ZAN: variants seen among roughly 807,000 people sequenced by gnomAD.
The protein encoded by ZAN is zonadhesin (gene/pseudogene).
A neutral mutation model predicts 286.2 loss-of-function variants in ZAN; 260 were observed. That is an observed-to-expected ratio of 0.91 (90% CI 0.82 to 1.01). The LOEUF is 1.01. Among genes scored for constraint, ZAN ranks in the 50% least tolerant of loss-of-function variants. The pLI, the probability that ZAN is intolerant of heterozygous loss-of-function variation, is 0.00. For synonymous variants in ZAN, 1,368 were observed against 1,417.5 expected (o/e 0.97, Z 0.79); for missense variants, 3,410 against 3,639.2 (o/e 0.94, Z 1.62).
intron 26 of ZAN, 61 bp from the exon 27 acceptor site, chr7:100,768,549 C>A: frequency 1.4e-6 from 2 of 1,398,510 alleles, no homozygotes; most frequent in Non-Finnish European, 9.7e-7. Context: ...AGGATGGTGG[C>A]CCTGGGGCCT....
intron 36 of ZAN, among the ~76,000 whole-genome samples, chr7:100,785,057 A>G (rs1252217803): frequency 6.6e-6 from 1 of 152,098 alleles, no homozygotes; most frequent in African/African-American, 2.4e-5. Context: ...ATGGCATGGT[A>G]TAGTGGAAAG....
In ZAN at chr7:100,795,280, G is replaced by A. The variant is rs778891287; in HGVS notation, c.8210G>A (p.Gly2737Asp). The change falls in exon 45 of 48, where the codon GGT becomes GAT. Residue 2737 changes from glycine (G) to aspartate (D), a missense_variant. By Grantham distance (94) the Gly-to-Asp change is moderately conservative. Around this residue, in one of 7 missense-constraint regions of ZAN, gnomAD observed 1,289 missense variants for 1,314.3 expected, o/e 0.98. Transcript: ENST00000613979. ...ACCTTCACCTGCGAGTGTGAAGTTG[G>A]TTACGGGGGAGGCCTGTGTATGGAG... ...GATFTCECEV[G>D]YGGGLCMEPR... 2 of 1,611,720 alleles carry A rather than the reference G, an allele frequency of 1.2e-6. No individual in the cohort carries two copies. Among genetic ancestry groups the A allele is most frequent in the South Asian group, 2.2e-5 (2 of 90,774 alleles).
At chr7:100,755,161 G>A in intron 14 of ZAN, 65 bp from the exon 15 acceptor site, 1 of 1,514,960 alleles carries the variant, frequency 6.6e-7, no homozygotes, top group South Asian at 1.3e-5. Flanking sequence ...GGGTAGAGGA[G>A]AGACAGGGAG....
intron 25 of ZAN, 30 bp downstream of exon 25, chr7:100,767,287 C>T: frequency 3.8e-6 from 6 of 1,587,350 alleles, no homozygotes; most frequent in Non-Finnish European, 5.1e-6. Flanking sequence ...CTCCTGGACC[C>T]TGAACACCCA....
chr7:100,780,915 C>G (rs1233087417), intron 35 of ZAN, among the ~76,000 whole-genome samples: 2 of 151,812 alleles, frequency 1.3e-5, no homozygotes, highest in South Asian at 2.1e-4. Context: ...TATAATGAGA[C>G]CCCCGCATCG....
intron 46 of ZAN, 55 bp downstream of exon 46, chr7:100,797,520 G>A (rs985790441): frequency 1.1e-5 from 17 of 1,613,580 alleles, no homozygotes; most frequent in African/African-American, 2.7e-5. Flanking sequence ...ACCGGGAAGC[G>A]GCTGGGCCCG....
chr7:100,748,003 G>T, intron 9 of ZAN, 134 bp from the exon 10 acceptor site: 28 of 603,700 alleles, frequency 4.6e-5, no homozygotes, highest in Non-Finnish European at 7.6e-5. Flanking sequence ...AAAAAAAAAA[G>T]AAAGAAAGAA....
intron 17 of ZAN, among the ~76,000 whole-genome samples, chr7:100,759,316 G>A (rs1809375063): frequency 6.6e-6 from 1 of 152,132 alleles, no homozygotes. Context: ...TGAGGCAGGA[G>A]GATCGCTTGA....
chr7:100,769,460 T>C (rs374716679), intron 27 of ZAN, among the ~76,000 whole-genome samples: 88 of 152,118 alleles, frequency 5.8e-4, no homozygotes, highest in African/African-American at 1.6e-3. Flanking sequence ...CTTGTCTTTT[T>C]TTTTCTTTTC....
rs777577166 is a variant in ZAN, at chr7:100,790,981, G to T, written c.7397G>T (p.Gly2466Val). Residue 2466 changes from glycine to valine, a missense_variant, in exon 40 of 48, where the codon GGC becomes GTC. By Grantham distance (109) the Gly-to-Val change is moderately radical. This residue lies in a region of ZAN where 1,289 missense variants were observed against 1,314.3 expected (regional missense o/e 0.98). Transcript: ENST00000613979. ...AGCATGTACGAGGGGCTTGTGAGTGGCCTGTGCGGAAACTACGACAAGAAC... is the reference window on the plus strand; with the variant it reads ...AGCATGTACGAGGGGCTTGTGAGTGTCCTGTGCGGAAACTACGACAAGAAC... ...LPSMYEGLVS[G>V]LCGNYDKNRK... 2 of 1,612,082 alleles carry T rather than the reference G, an allele frequency of 1.2e-6. No homozygotes were observed. Among genetic ancestry groups the T allele is most frequent in the African/African-American group, 1.3e-5 (1 of 74,828 alleles).
At chr7:100,791,159 T>C in intron 40 of ZAN, 46 bp downstream of exon 40, 1 of 1,581,150 alleles carries the variant, frequency 6.3e-7, no homozygotes, top group Non-Finnish European at 8.6e-7. Flanking sequence ...AACAACAATG[T>C]CTGTGCACGG....
At chr7:100,795,065 C>T (rs1330503157) in intron 44 of ZAN, 131 bp from the exon 45 acceptor site, 4 of 1,193,828 alleles carry the variant, frequency 3.4e-6, no homozygotes, top group Non-Finnish European at 4.5e-6. Context: ...GGGAGCCAGG[C>T]TGGCTGACCC....
intron 41 of ZAN, 35 bp downstream of exon 41, chr7:100,792,183 C>A: frequency 6.4e-7 from 1 of 1,561,052 alleles, no homozygotes; most frequent in Non-Finnish European, 8.7e-7. Context: ...GGGAATGGCC[C>A]AGGTGCCTGC....
chr7:100,778,858 C>T (rs1001057295), intron 34 of ZAN, among the ~76,000 whole-genome samples: 34 of 152,070 alleles, frequency 2.2e-4, no homozygotes, highest in African/African-American at 8.2e-4. Flanking sequence ...CATGGTGAAA[C>T]CTCGTCTCTA....
intron 39 of ZAN, among the ~76,000 whole-genome samples, chr7:100,789,775 T>C (rs1811815374): frequency 6.6e-6 from 1 of 151,768 alleles, no homozygotes; most frequent in South Asian, 2.1e-4. Flanking sequence ...CGAAACCCCA[T>C]CTCTACTAAA....
chr7:100,747,370 G>A (rs1404750067), intron 8 of ZAN, among the ~76,000 whole-genome samples, 180 bp from the exon 9 acceptor site: 1 of 151,776 alleles, frequency 6.6e-6, no homozygotes, highest in African/African-American at 2.4e-5. Context: ...CTGGGCAACA[G>A]AGCAATACTC....
chr7:100,774,831 TA>T (rs10719145), intron 31 of ZAN, among the ~76,000 whole-genome samples: 45,094 of 144,452 alleles, frequency 0.31, 7,183 homozygotes, highest in Non-Finnish European at 0.37. Context: ...ATGTCTCAAA[TA>T]AAAAAAAAAA....
At chr7:100,780,011 A>G (rs1257371908) in intron 35 of ZAN, among the ~76,000 whole-genome samples, 3 of 152,184 alleles carry the variant, frequency 2.0e-5, no homozygotes, top group East Asian at 3.9e-4. Context: ...CCTGGCCAAC[A>G]TGGTGAAACC....
At chr7:100,785,023 C>G (rs1811469581) in intron 36 of ZAN, among the ~76,000 whole-genome samples, 189 bp downstream of exon 36, 1 of 152,096 alleles carries the variant, frequency 6.6e-6, no homozygotes, top group East Asian at 1.9e-4. Context: ...GGTTTTGGAT[C>G]TGAGGAATCC....
Sources: gnomAD v4.1 joint callset for allele counts (sites outside exome capture counted in the v4.1 genomes callset) on GRCh38, gnomAD v4.1.1 for gene constraint, gnomAD v4.1.1 regional missense constraint, MANE v1.5 for transcripts, NCBI Gene and HGNC (gene_info 2026-07-23, HGNC 2026-07-21) for gene names.